The following MAU2 variants were observed in gnomAD, a reference collection of about 807,000 sequenced individuals.
The protein encoded by MAU2 is MAU2 chromatid cohesion factor homolog.
Under a neutral mutation model 89.1 loss-of-function variants are expected in MAU2, and 9 were observed. The observed-to-expected ratio is 0.10, with a 90% CI of 0.06 to 0.18. The LOEUF is 0.18. Ranked by LOEUF, MAU2 falls within the 10% of genes least tolerant of loss-of-function variation. The pLI, the probability that MAU2 is intolerant of heterozygous loss-of-function variation, is 1.00. For synonymous variants in MAU2, 357 were observed against 343.4 expected, an observed-to-expected ratio of 1.04 and a Z score of -0.44; for missense variants, 425 against 803.5, an observed-to-expected ratio of 0.53 and a Z score of 5.69.
Position 19,355,760 on chromosome 19 carries a change from C to A in MAU2, c.1820C>A (p.Thr607Asn). Residue 607 changes from threonine (T) to asparagine (N), a missense_variant, in exon 19 of 19, where the codon ACC becomes AAC. Physicochemically the swap from Thr to Asn is moderately conservative, Grantham distance 65. Transcript: ENST00000262815. ...VQFQAQNGPN[T>N]SLASLL Reference sequence around the variant, plus strand: ...TTCCAAGCTCAGAATGGACCCAACACCAGCCTGGCCAGCCTCCTGTGAGGC... The same window carrying A: ...TTCCAAGCTCAGAATGGACCCAACAACAGCCTGGCCAGCCTCCTGTGAGGC... 1 of 1,608,598 alleles carries A rather than the reference C, an allele frequency of 6.2e-7. No individual in the cohort carries two copies. Among genetic ancestry groups the A allele is most frequent in the Non-Finnish European group, 8.5e-7 (1 of 1,179,966 alleles).
chr19:19,342,879 C>A lies in MAU2; in HGVS notation c.973+13C>A, dbSNP rs2061662818. The A allele has an allele frequency of 6.2e-7, 1 of 1,613,052 alleles. No homozygotes were observed. The highest frequency in any genetic ancestry group is 1.3e-5 in the African/African-American group (1 of 74,906). On this transcript the variant is annotated intron_variant, in intron 9 of 18. Coordinates refer to ENST00000262815, the MANE Select transcript of MAU2 (RefSeq NM_015329.4). ...GAGAAGCTCAAGAGTAAGTCAGGTGCTCGGCTGGCCACATGGCCACAGCGA... is the reference window on the plus strand; with the variant it reads ...GAGAAGCTCAAGAGTAAGTCAGGTGATCGGCTGGCCACATGGCCACAGCGA...
chr19:19,335,689 A>C (rs1197530697), intron 1 of MAU2, 29 bp from the exon 2 acceptor site: 2 of 1,613,756 alleles, frequency 1.2e-6, no homozygotes, highest in African/African-American at 2.7e-5. Flanking sequence ...TTTGCCTGAG[A>C]ATTAATCGTT....
rs2061720774 is a variant in MAU2, at chr19:19,349,140, G to A, written c.1359-15G>A. 6.2e-7 allele frequency: 1 copy of A among 1,613,858 alleles called. No individual in the cohort carries two copies. The highest frequency in any genetic ancestry group is 8.5e-7 in the Non-Finnish European group (1 of 1,179,952). Reference sequence around the variant, plus strand: ...CAAAATCACCACCCCATGTGATACTGCACTCTCCCTGCAGCTCGCACTGCC... The same window carrying A: ...CAAAATCACCACCCCATGTGATACTACACTCTCCCTGCAGCTCGCACTGCC... On this transcript the variant is annotated splice_polypyrimidine_tract_variant and intron_variant, in intron 14 of 18. Coordinates refer to ENST00000262815, the MANE Select transcript of MAU2 (RefSeq NM_015329.4).
At chr19:19,350,638 C>A (rs559954061) in intron 16 of MAU2, among the ~76,000 whole-genome samples, 2 of 150,378 alleles carry the variant, frequency 1.3e-5, no homozygotes, top group Middle Eastern at 3.5e-3. Flanking sequence ...TGGTGGCTCA[C>A]GCCTGTAATC....
Position 19,349,317 on chromosome 19 carries a change from C to T in MAU2, c.1437-8C>T. On this transcript the variant is annotated splice_region_variant and splice_polypyrimidine_tract_variant and intron_variant, in intron 15 of 18. Transcript: ENST00000262815. ...TGCAGTTATCAGCGTCCATGTTCTCCTTGTCAGGCGATTTCTGCGGGAAAC... is the reference window on the plus strand; with the variant it reads ...TGCAGTTATCAGCGTCCATGTTCTCTTTGTCAGGCGATTTCTGCGGGAAAC... The T allele has an allele frequency of 1.2e-6, 2 of 1,614,114 alleles. No individual in the cohort carries two copies. The highest frequency in any genetic ancestry group is 1.7e-6 in the Non-Finnish European group (2 of 1,179,950).
At chr19:19,326,722 A>ACG (rs1568648753) in intron 1 of MAU2, among the ~76,000 whole-genome samples, 4 of 38,606 alleles carry the variant, frequency 1.0e-4, no homozygotes, top group Admixed American at 2.9e-4. Context: ...ATATATATAC[A>ACG]TATATATATA....
intron 1 of MAU2, among the ~76,000 whole-genome samples, chr19:19,329,955 A>ATTT (rs1178543764): frequency 2.7e-5 from 4 of 150,852 alleles, no homozygotes; most frequent in African/African-American, 9.8e-5. Context: ...CTGTCTTTTT[A>ATTT]ATTATTTATT....
intron 7 of MAU2, among the ~76,000 whole-genome samples, chr19:19,341,735 G>A (rs1236988108): frequency 6.6e-6 from 1 of 152,210 alleles, no homozygotes; most frequent in Non-Finnish European, 1.5e-5. Context: ...GTGCTGGGAT[G>A]GCACCTGCAC....
intron 1 of MAU2, among the ~76,000 whole-genome samples, chr19:19,332,819 G>A (rs1196002233): frequency 6.6e-6 from 1 of 152,180 alleles, no homozygotes; most frequent in African/African-American, 2.4e-5. Context: ...GCTCACGCCT[G>A]TAATCCCAGC....
chr19:19,335,498 C>G (rs1239889431), intron 1 of MAU2, among the ~76,000 whole-genome samples: 2 of 152,170 alleles, frequency 1.3e-5, no homozygotes, highest in Non-Finnish European at 2.9e-5. Context: ...GGCATGTCCC[C>G]TCCTGCCCAG....
intron 1 of MAU2, among the ~76,000 whole-genome samples, chr19:19,334,816 C>T (rs569130550): frequency 3.6e-4 from 55 of 152,322 alleles, no homozygotes; most frequent in Admixed American, 3.5e-3. Context: ...CCCCTCACTT[C>T]CCATACTTGC....
At chr19:19,351,067 G>T (rs569877849) in intron 16 of MAU2, among the ~76,000 whole-genome samples, 1 of 151,668 alleles carries the variant, frequency 6.6e-6, no homozygotes, top group South Asian at 2.1e-4. Flanking sequence ...TTTTGAGGCC[G>T]AGTCTCACTC....
intron 6 of MAU2, 138 bp from the exon 7 acceptor site, chr19:19,341,114 G>C: frequency 9.1e-7 from 1 of 1,104,742 alleles, no homozygotes; most frequent in Non-Finnish European, 1.3e-6. Flanking sequence ...AGCTGCCTGG[G>C]CTGGGGTTTC....
intron 1 of MAU2, chr19:19,334,602 G>C (rs2061581680): frequency 1.0e-6 from 1 of 985,392 alleles, no homozygotes; most frequent in African/African-American, 1.7e-5. Flanking sequence ...CATCTGGGCA[G>C]GTGCTTTCAT....
chr19:19,342,903 G>T, intron 9 of MAU2, 37 bp downstream of exon 9: 1 of 1,606,896 alleles, frequency 6.2e-7, no homozygotes, highest in South Asian at 1.1e-5. Context: ...TGGCCACAGC[G>T]ACCCCTGGCG....
chr19:19,344,411 C>CAA lies in MAU2; in HGVS notation c.1078-428_1078-427dup, dbSNP rs146072113. On this transcript the variant is annotated intron_variant, in intron 10 of 18. Transcript: ENST00000262815. The stretch of plus-strand genomic sequence containing the variant: ...TGGGCAACAGAGTGAGACTCCATCT[C>CAA]AAAAAAAAAAACCCAAAAAACTAAT... 8.7e-3 allele frequency: 1,676 copies of CAA among 192,912 alleles called. 27 individuals carry two copies. The highest frequency in any genetic ancestry group is 0.038 in the African/African-American group (1,525 of 40,554). The allele number at this position is 192,912 out of a possible 1,614,324, so 12.0% of individuals were successfully genotyped here.
intron 4 of MAU2, 66 bp downstream of exon 4, chr19:19,337,331 C>T (rs1006843292): frequency 7.5e-7 from 1 of 1,325,002 alleles, no homozygotes; most frequent in Non-Finnish European, 1.1e-6. Context: ...ACACCTGCCC[C>T]ATTTGCAAAG....
At chr19:19,354,102 AGTT>A in intron 16 of MAU2, 1 of 541,022 alleles carries the variant, frequency 1.8e-6, no homozygotes, top group South Asian at 2.0e-5. Context: ...AAGCCCCCAA[AGTT>A]GTCCATTGGC....
chr19:19,344,044 C>A, intron 10 of MAU2, 104 bp downstream of exon 10: 1 of 886,444 alleles, frequency 1.1e-6, no homozygotes, highest in Non-Finnish European at 1.8e-6. Context: ...GCAGGCCAGC[C>A]CATCCTGCTG....
Sources: gnomAD v4.1 joint callset for allele counts (sites outside exome capture counted in the v4.1 genomes callset) on GRCh38, gnomAD v4.1.1 for gene constraint, MANE v1.5 for transcripts, NCBI Gene and HGNC (gene_info 2026-07-23, HGNC 2026-07-21) for gene names.